Variants in SMAP1 observed in about 807,000 individuals in gnomAD.
SMAP1 encodes stromal membrane-associated protein 1.
SMAP1 carries 24 observed loss-of-function variants against 58.5 expected under a neutral mutation model. The observed-to-expected ratio is 0.41, with a 90% CI of 0.30 to 0.58. SMAP1 has a LOEUF of 0.58. SMAP1 is among the 20% of genes least tolerant of loss of function. The pLI, the probability that SMAP1 is intolerant of heterozygous loss-of-function variation, is 0.29. For missense variants in SMAP1, 563 were observed against 566.3 expected, an observed-to-expected ratio of 0.99 and a Z score of 0.06; for synonymous variants, 216 against 196.6, an observed-to-expected ratio of 1.10 and a Z score of -0.82.
intron 1 of SMAP1, among the ~76,000 whole-genome samples, chr6:70,679,667 G>A (rs917096995): frequency 1.3e-5 from 2 of 152,078 alleles, no homozygotes; most frequent in Admixed American, 1.3e-4. Flanking sequence ...AACAAAATAC[G>A]TGCAAGACCT....
intron 6 of SMAP1, among the ~76,000 whole-genome samples, chr6:70,811,322 C>G (rs1769377909): frequency 1.3e-5 from 2 of 152,140 alleles, no homozygotes; most frequent in South Asian, 4.1e-4. Flanking sequence ...TCAGCAGCAT[C>G]TTACCAGTCC....
chr6:70,724,097 T>G (rs1432235115), intron 1 of SMAP1, among the ~76,000 whole-genome samples: 1 of 152,038 alleles, frequency 6.6e-6, no homozygotes, highest in East Asian at 1.9e-4. Context: ...ATTAACTATG[T>G]CCATTTTTAT....
chr6:70,827,447 T>C (rs2149988751), intron 6 of SMAP1, among the ~76,000 whole-genome samples: 1 of 152,340 alleles, frequency 6.6e-6, no homozygotes, highest in East Asian at 1.9e-4. Context: ...CTTCTGTTGC[T>C]TTGGAGAAGG....
At chr6:70,853,462 A>G (rs977287716) in intron 8 of SMAP1, among the ~76,000 whole-genome samples, 5 of 152,194 alleles carry the variant, frequency 3.3e-5, no homozygotes, top group Admixed American at 1.3e-4. Flanking sequence ...TTCCTTTTCC[A>G]TAGAAAAACT....
At chr6:70,699,056 A>G (rs1767522985) in intron 1 of SMAP1, among the ~76,000 whole-genome samples, 1 of 152,196 alleles carries the variant, frequency 6.6e-6, no homozygotes, top group Non-Finnish European at 1.5e-5. Flanking sequence ...CCAAGTATGC[A>G]AAGGAATTGA....
rs150986244 is a variant in SMAP1 at position 70,835,025 on chromosome 6, G to A, written c.577-1916G>A. 2.8e-3 allele frequency among the ~76,000 whole-genome samples: 432 copies of A among 151,754 alleles called. 4 individuals are homozygous for A. Among genetic ancestry groups the A allele is most frequent in the African/African-American group, 9.9e-3 (411 of 41,376 alleles). On this transcript the variant is annotated intron_variant, in intron 6 of 10. Transcript: ENST00000370455. ...AGCACTTTGGGAGGCCGAGGCTAGC[G>A]GATCATGAGGTCAGGAGATGGAGAC...
At position 70,860,579 on chromosome 6, in the gene SMAP1, A is replaced by G; in HGVS notation, c.*245A>G. The G allele has an allele frequency of 6.9e-6, 3 of 436,586 alleles. No homozygotes were observed. The highest frequency in any genetic ancestry group is 1.2e-5 in the Non-Finnish European group (3 of 251,618). 27.0% of individuals were successfully genotyped at this position (436,586 alleles called of 1,614,324 possible). ...TTCCCATGATTTCATGTACTGCATT[A>G]TTTGAGAAGCTGCTCAACTTGCAAA... On this transcript the variant is annotated 3_prime_UTR_variant, in exon 11 of 11. Coordinates refer to ENST00000370455, the MANE Select transcript of SMAP1 (RefSeq NM_001044305.3).
chr6:70,737,521 TTTA>T (rs1257536807), intron 2 of SMAP1, among the ~76,000 whole-genome samples: 3 of 152,226 alleles, frequency 2.0e-5, no homozygotes, highest in Non-Finnish European at 4.4e-5. Flanking sequence ...AAATCTCTAC[TTTA>T]ATAAAAGATT....
intron 1 of SMAP1, among the ~76,000 whole-genome samples, chr6:70,725,093 G>GATTTTTTTTTT (rs1768710050): frequency 2.1e-5 from 1 of 47,778 alleles, no homozygotes. Flanking sequence ...ATTAACCAGT[G>GATTTTTTTTTT]TTTTTTTTTT....
At chr6:70,729,274 C>T (rs1765316358) in intron 1 of SMAP1, among the ~76,000 whole-genome samples, 1 of 151,908 alleles carries the variant, frequency 6.6e-6, no homozygotes, top group South Asian at 2.1e-4. Context: ...CCCGTCTCTA[C>T]TAAAAATACA....
intron 10 of SMAP1, 161 bp from the exon 11 acceptor site, chr6:70,860,039 T>C (rs1433520536): frequency 2.9e-6 from 2 of 682,616 alleles, no homozygotes; most frequent in Non-Finnish European, 2.2e-6. Flanking sequence ...GGGAACAAAG[T>C]AGCTATTTGC....
intron 7 of SMAP1, among the ~76,000 whole-genome samples, chr6:70,849,230 C>T (rs1011437891): frequency 6.6e-6 from 1 of 152,064 alleles, no homozygotes; most frequent in Non-Finnish European, 1.5e-5. Flanking sequence ...TCAGCCTTGC[C>T]ACAAAGATTG....
intron 4 of SMAP1, among the ~76,000 whole-genome samples, chr6:70,779,611 A>G (rs1175436070): frequency 1.3e-5 from 2 of 152,052 alleles, no homozygotes; most frequent in Non-Finnish European, 2.9e-5. Context: ...CTTCTAGCCT[A>G]TCTTGGCTAG....
At chr6:70,811,984 G>A (rs934431755) in intron 6 of SMAP1, among the ~76,000 whole-genome samples, 9 of 152,206 alleles carry the variant, frequency 5.9e-5, no homozygotes, top group African/African-American at 1.9e-4. Context: ...GCGTGGATGT[G>A]CTGGACAAAG....
chr6:70,732,336 T>G (rs1334703744), intron 1 of SMAP1, 42 bp from the exon 2 acceptor site: 3 of 1,574,986 alleles, frequency 1.9e-6, no homozygotes, highest in Non-Finnish European at 2.6e-6. Flanking sequence ...TATTTTTGTT[T>G]TTAACATTTG....
At chr6:70,852,442 T>G in intron 7 of SMAP1, 98 bp from the exon 8 acceptor site, 1 of 1,215,742 alleles carries the variant, frequency 8.2e-7, no homozygotes, top group Non-Finnish European at 1.1e-6. Context: ...TTTTGAACTG[T>G]TCTTTTTTTT....
intron 5 of SMAP1, among the ~76,000 whole-genome samples, chr6:70,796,682 T>A (rs1413416201): frequency 6.6e-6 from 1 of 152,200 alleles, no homozygotes; most frequent in Non-Finnish European, 1.5e-5. Context: ...TTGAGAACTA[T>A]CCCAACTTTC....
In SMAP1 at chr6:70,857,974, AT is replaced by A; in HGVS notation, c.1017del (p.Gln340ArgfsTer17). ...IPFTSQAPAAFQGFPSMGVPV... is the reference protein window; with the variant it reads ...IPFTSQAPAAXQGFPSMGVPV... ...CATTTACCTCACAAGCACCAGCTGC[AT>A]TTCAGGGCTTTCCATCGATGGGCGT... On this transcript the variant is annotated frameshift_variant, in exon 10 of 11. Transcript: ENST00000370455. LOFTEE classifies it high-confidence loss of function. The A allele has an allele frequency of 6.2e-7, 1 of 1,614,134 alleles. No individual in the cohort carries two copies. The highest frequency in any genetic ancestry group is 8.5e-7 in the Non-Finnish European group (1 of 1,180,002).
chr6:70,674,275 C>G (rs1766389391), intron 1 of SMAP1, among the ~76,000 whole-genome samples: 1 of 151,904 alleles, frequency 6.6e-6, no homozygotes, highest in South Asian at 2.1e-4. Context: ...ACCATGCCTA[C>G]CTAATTTTTG....
Sources: gnomAD v4.1 joint callset for allele counts (sites outside exome capture counted in the v4.1 genomes callset) on GRCh38, gnomAD v4.1.1 for gene constraint, MANE v1.5 for transcripts, NCBI Gene and HGNC (gene_info 2026-07-23, HGNC 2026-07-21) for gene names.